The following PDE7B variants were observed in gnomAD, a reference collection of about 807,000 sequenced individuals.
The protein encoded by PDE7B is phosphodiesterase 7B, also known as 3',5'-cyclic-AMP phosphodiesterase 7B.
A neutral mutation model predicts 56.2 loss-of-function variants in PDE7B; 29 were observed. That is an observed-to-expected ratio of 0.52 (90% confidence interval 0.38 to 0.70). The LOEUF (loss-of-function observed/expected upper bound fraction) is 0.70. Among genes scored for constraint, PDE7B ranks in the 30% least tolerant of loss-of-function variants. The pLI is 0.00. For missense variants in PDE7B, 490 were observed against 565.0 expected (o/e 0.87, Z 1.35); for synonymous variants, 197 against 196.9 (o/e 1.00, Z 0.00).
intron 8 of PDE7B, among the ~76,000 whole-genome samples, chr6:136,166,608 C>A (rs1462946027): frequency 6.6e-6 from 1 of 152,064 alleles, no homozygotes; most frequent in Non-Finnish European, 1.5e-5. Context: ...ACAAGCAGAT[C>A]TCATAAGAAC....
At chr6:135,860,315 G>T (rs150733017) in intron 1 of PDE7B, among the ~76,000 whole-genome samples, 2,953 of 152,044 alleles carry the variant, frequency 0.019, 42 homozygotes, top group Middle Eastern at 0.027. Flanking sequence ...CTAAGAATGA[G>T]TTAGGAAACA....
chr6:136,104,779 G>C (rs548723648), intron 2 of PDE7B, among the ~76,000 whole-genome samples: 81 of 152,220 alleles, frequency 5.3e-4, no homozygotes, highest in Non-Finnish European at 1.0e-3. Context: ...CTGCCTTACT[G>C]GTATTCTTAA....
In PDE7B at chr6:136,160,585, GT is replaced by G. The variant is rs537403561; in HGVS notation, c.711+4830del. Among the ~76,000 whole-genome samples, 323 of 152,208 alleles carry G rather than the reference GT, an allele frequency of 2.1e-3. 1 individual carries two copies. The highest frequency in any genetic ancestry group is 7.4e-3 in the African/African-American group (306 of 41,502). Reference sequence around the variant, plus strand: ...ATCCACCTACTCTCAGCCTTGCCTGGTTTCAGCCCTTTTTCCACTATGAAGA... The same window carrying G: ...ATCCACCTACTCTCAGCCTTGCCTGGTTCAGCCCTTTTTCCACTATGAAGA... On this transcript the variant is annotated intron_variant, in intron 8 of 12. Transcript: ENST00000308191.
intron 2 of PDE7B, among the ~76,000 whole-genome samples, chr6:135,979,686 C>T (rs966093212): frequency 2.3e-4 from 35 of 152,074 alleles, no homozygotes; most frequent in Admixed American, 1.9e-3. Context: ...AGTGAACTCC[C>T]GTTCACAATT....
chr6:135,974,320 A>G (rs1464071185), intron 2 of PDE7B, among the ~76,000 whole-genome samples: 4 of 137,222 alleles, frequency 2.9e-5, no homozygotes, highest in Non-Finnish European at 4.9e-5. Flanking sequence ...AAATGTGTGT[A>G]TGTGTGTGTG....
Position 136,140,292 on chromosome 6 carries a change from A to G in PDE7B, c.167-7059A>G, listed in dbSNP as rs892207258. 2.0e-5 allele frequency among the ~76,000 whole-genome samples: 3 copies of G among 152,030 alleles called. No individual in the cohort carries two copies. The East Asian group carries it at 5.8e-4, about 29-fold the overall frequency. Reference sequence around the variant, plus strand: ...GACCAGAGAGTTGTAGATACGCAGCATTATTTCTGAGGGCTCTGTTCTGTT... The same window carrying G: ...GACCAGAGAGTTGTAGATACGCAGCGTTATTTCTGAGGGCTCTGTTCTGTT... On this transcript the variant is annotated intron_variant, in intron 3 of 12. Transcript: ENST00000308191.
chr6:136,178,276 A>G (rs929986993), intron 9 of PDE7B, among the ~76,000 whole-genome samples: 6 of 152,204 alleles, frequency 3.9e-5, no homozygotes, highest in Non-Finnish European at 7.3e-5. Context: ...TATTCATTAA[A>G]TTATGTATGT....
chr6:136,065,011 G>T (rs1188623842), intron 2 of PDE7B, among the ~76,000 whole-genome samples: 1 of 152,212 alleles, frequency 6.6e-6, no homozygotes, highest in Non-Finnish European at 1.5e-5. Context: ...GGTGGCATTT[G>T]TCTATGTGTG....
intron 1 of PDE7B, among the ~76,000 whole-genome samples, chr6:135,935,319 A>G (rs560165597): frequency 7.4e-4 from 109 of 147,988 alleles, no homozygotes; most frequent in Non-Finnish European, 1.4e-3. Flanking sequence ...GTTTGACTCC[A>G]CCTAAAGCAT....
At chr6:135,889,115 C>A (rs1022430099) in intron 1 of PDE7B, among the ~76,000 whole-genome samples, 1 of 152,118 alleles carries the variant, frequency 6.6e-6, no homozygotes. Flanking sequence ...TTAATAGATT[C>A]TTGAGGACAT....
intron 5 of PDE7B, 85 bp downstream of exon 5, chr6:136,149,235 C>G: frequency 1.1e-6 from 1 of 869,816 alleles, no homozygotes; most frequent in Non-Finnish European, 1.9e-6. Flanking sequence ...TTTTTAAACA[C>G]TGCTATTCCT....
At chr6:136,024,390 T>C (rs1488526078) in intron 2 of PDE7B, among the ~76,000 whole-genome samples, 1 of 152,220 alleles carries the variant, frequency 6.6e-6, no homozygotes, top group East Asian at 1.9e-4. Flanking sequence ...TTTTTCCTCT[T>C]TAGTTTTTAT....
rs923753589 is a variant in PDE7B at position 136,194,372 on chromosome 6, G to A, written c.*2532G>A. 2.0e-5 allele frequency: 3 copies of A among 152,086 alleles called. No homozygotes were observed. Among genetic ancestry groups the A allele is most frequent in the Non-Finnish European group, 4.4e-5 (3 of 68,028 alleles). The allele number at this position is 152,086 out of a possible 1,614,324, so 9.4% of individuals were successfully genotyped here. On this transcript the variant is annotated 3_prime_UTR_variant, in exon 13 of 13. Transcript: ENST00000308191. ...TAGGTCTTGAAGAAGAGCTCACAGA[G>A]AAAAAACTACCAAATATCCAATGGG...
chr6:135,896,535 G>C (rs988453719), intron 1 of PDE7B, among the ~76,000 whole-genome samples: 7 of 152,112 alleles, frequency 4.6e-5, no homozygotes, highest in African/African-American at 1.7e-4. Context: ...GGTAGCCACT[G>C]TATGCCTGCT....
chr6:135,880,969 G>C (rs576632159), intron 1 of PDE7B, among the ~76,000 whole-genome samples: 1 of 152,216 alleles, frequency 6.6e-6, no homozygotes, highest in East Asian at 1.9e-4. Flanking sequence ...TTCTTTTCTA[G>C]GCAAGAGTCA....
chr6:136,139,722 G>A (rs1293391940), intron 3 of PDE7B, among the ~76,000 whole-genome samples: 1 of 152,174 alleles, frequency 6.6e-6, no homozygotes, highest in African/African-American at 2.4e-5. Context: ...GATGGCCAGT[G>A]ATGACGAGCA....
At chr6:135,886,587 C>T (rs1289366718) in intron 1 of PDE7B, among the ~76,000 whole-genome samples, 1 of 152,072 alleles carries the variant, frequency 6.6e-6, no homozygotes, top group Non-Finnish European at 1.5e-5. Context: ...GTCCTCATAG[C>T]TTAGCTCGCA....
chr6:136,011,120 T>C (rs1775885430), intron 2 of PDE7B, among the ~76,000 whole-genome samples: 1 of 152,164 alleles, frequency 6.6e-6, no homozygotes, highest in Non-Finnish European at 1.5e-5. Flanking sequence ...AGATTCTTAA[T>C]AATGGGTTTT....
intron 1 of PDE7B, among the ~76,000 whole-genome samples, chr6:135,943,639 G>C (rs987771619): frequency 6.6e-6 from 1 of 152,216 alleles, no homozygotes; most frequent in Non-Finnish European, 1.5e-5. Flanking sequence ...ATGCGAGTGT[G>C]AAAAGTAGAG....
Sources: allele counts gnomAD v4.1 joint callset (sites outside exome capture counted in the v4.1 genomes callset), GRCh38; gene constraint gnomAD v4.1.1; transcripts MANE v1.5; gene names NCBI Gene and HGNC (gene_info 2026-07-23, HGNC 2026-07-21).